The following DNAJC8 variants were observed in gnomAD, a reference collection of about 807,000 sequenced individuals.
The protein encoded by DNAJC8 is dnaJ homolog subfamily C member 8.
In DNAJC8, 24 loss-of-function variants were observed where a neutral mutation model predicts 43.2. The observed-to-expected ratio is 0.56, with a 90% confidence interval of 0.40 to 0.78. The LOEUF is 0.78. Among genes scored for constraint, DNAJC8 ranks in the 30% least tolerant of loss-of-function variants. The probability of loss-of-function intolerance (pLI) is 0.00; values close to 1 mark genes in which losing one functional copy is unlikely to be tolerated. For missense variants in DNAJC8, 207 were observed against 299.4 expected (o/e 0.69, Z 2.28); for synonymous variants, 83 against 98.0 (o/e 0.85, Z 0.90).
At chr1:28,214,177 G>A (rs1256760210) in intron 3 of DNAJC8, among the ~76,000 whole-genome samples, 1 of 151,954 alleles carries the variant, frequency 6.6e-6, no homozygotes, top group African/African-American at 2.4e-5. Flanking sequence ...TCCTTTCCTG[G>A]AGAACTTTCA....
At chr1:28,204,307 G>A (rs1646755047) in intron 7 of DNAJC8, among the ~76,000 whole-genome samples, 2 of 152,362 alleles carry the variant, frequency 1.3e-5, no homozygotes, top group East Asian at 1.9e-4. Context: ...TCGGCCGGAT[G>A]TAGCGGCTCA....
At chr1:28,205,177 C>T (rs1646760303) in intron 7 of DNAJC8, 81 bp downstream of exon 7, 3 of 1,075,324 alleles carry the variant, frequency 2.8e-6, no homozygotes, top group South Asian at 1.4e-5. Flanking sequence ...ATATAATTCC[C>T]TCATTAGGAA....
rs201782610 is a variant in DNAJC8 at position 28,212,168 on chromosome 1, AATAT to A, written c.238-1535_238-1532del. Among the ~76,000 whole-genome samples the A allele has an allele frequency of 6.5e-3, 202 of 30,916 alleles. 2 individuals carry two copies. The highest frequency in any genetic ancestry group is 0.015 in the Middle Eastern group (1 of 68). 20.3% of individuals were successfully genotyped at this position (30,916 alleles called of 152,430 possible). ...CGGACTCCGTCTCAATAAATAAATAAATATATATATATATATATATATATATATA... is the reference window on the plus strand; with the variant it reads ...CGGACTCCGTCTCAATAAATAAATAAATATATATATATATATATATATATA... On this transcript the variant is annotated intron_variant, in intron 3 of 8. Transcript: ENST00000263697.
intron 3 of DNAJC8, among the ~76,000 whole-genome samples, chr1:28,211,697 TC>T (rs1386134228): frequency 6.6e-6 from 1 of 152,180 alleles, no homozygotes; most frequent in Non-Finnish European, 1.5e-5. Context: ...AGACTGGGTT[TC>T]AGATGATCGT....
Position 28,212,168 on chromosome 1 carries a change from AAT to A in DNAJC8, c.238-1533_238-1532del, listed in dbSNP as rs201782610. ...CGGACTCCGTCTCAATAAATAAATAAATATATATATATATATATATATATATA... is the reference window on the plus strand; with the variant it reads ...CGGACTCCGTCTCAATAAATAAATAAATATATATATATATATATATATATA... On this transcript the variant is annotated intron_variant, in intron 3 of 8. Coordinates refer to ENST00000263697, the MANE Select transcript of DNAJC8 (RefSeq NM_014280.3). 4.6e-3 allele frequency among the ~76,000 whole-genome samples: 143 copies of A among 30,976 alleles called. 1 individual carries two copies. Among genetic ancestry groups the A allele is most frequent in the South Asian group, 0.016 (11 of 692 alleles). The allele number at this position is 30,976 out of a possible 152,430, so 20.3% of individuals were successfully genotyped here.
chr1:28,224,686 A>G (rs1418960370), intron 2 of DNAJC8, among the ~76,000 whole-genome samples: 1 of 151,964 alleles, frequency 6.6e-6, no homozygotes, highest in Non-Finnish European at 1.5e-5. Flanking sequence ...AGTTCGAGAC[A>G]AGCCTGGCCA....
At position 28,214,936 on chromosome 1, in the gene DNAJC8, G is replaced by T; in HGVS notation, c.237+4C>A. On this transcript the variant is annotated splice_donor_region_variant and intron_variant, in intron 3 of 8. Transcript: ENST00000263697. ...AAAGTTCAAACAGGGAAATAGTACT[G>T]TACCTGCCGAAACCTCTTTTTTATT... 6.2e-7 allele frequency: 1 copy of T among 1,606,536 alleles called. No individual in the cohort carries two copies. The highest frequency in any genetic ancestry group is 1.1e-5 in the South Asian group (1 of 89,958).
Position 28,200,811 on chromosome 1 carries a change from G to A in DNAJC8, c.*437C>T, listed in dbSNP as rs768065187. On this transcript the variant is annotated 3_prime_UTR_variant, in exon 9 of 9. Transcript: ENST00000263697. ...CTTCGAAGGGAGCACACCCAGAAGC[G>A]AGCAACTGAAGCGAAGGGGCTTCCT... The A allele has an allele frequency of 1.2e-4, 46 of 371,926 alleles. No individual in the cohort carries two copies. Among genetic ancestry groups the A allele is most frequent in the Admixed American group, 1.1e-4 (3 of 27,892 alleles). 23.0% of individuals were successfully genotyped at this position (371,926 alleles called of 1,614,324 possible).
At chr1:28,231,957 C>G (rs1572073832) in intron 1 of DNAJC8, among the ~76,000 whole-genome samples, 3 of 152,142 alleles carry the variant, frequency 2.0e-5, no homozygotes, top group South Asian at 4.1e-4. Context: ...CTAGTAGAGA[C>G]GGGGTTTCAC....
chr1:28,217,518 C>A (rs1038951905), intron 2 of DNAJC8, among the ~76,000 whole-genome samples: 8 of 151,996 alleles, frequency 5.3e-5, no homozygotes, highest in Admixed American at 5.2e-4. Flanking sequence ...CAAGTCAGTG[C>A]GCCCCACTCT....
At chr1:28,219,490 C>T (rs1422457493) in intron 2 of DNAJC8, among the ~76,000 whole-genome samples, 3 of 152,146 alleles carry the variant, frequency 2.0e-5, no homozygotes, top group African/African-American at 4.8e-5. Context: ...GCCTGGGCAA[C>T]AGAGTGAGAC....
chr1:28,212,307 C>T (rs1279939556), intron 3 of DNAJC8, among the ~76,000 whole-genome samples: 1 of 123,380 alleles, frequency 8.1e-6, no homozygotes, highest in Non-Finnish European at 1.6e-5. Context: ...CAGAGTGTTG[C>T]TCTATCATCC....
rs760054673 is a variant in DNAJC8 at position 28,200,510 on chromosome 1, G to A, written c.*738C>T. On this transcript the variant is annotated 3_prime_UTR_variant, in exon 9 of 9. Coordinates refer to ENST00000263697, the MANE Select transcript of DNAJC8 (RefSeq NM_014280.3). ...AGCATTTTGGGGTTCAGCCAAGCCAGACAAGGGACCCACAAGGGAGAGTAC... is the reference window on the plus strand; with the variant it reads ...AGCATTTTGGGGTTCAGCCAAGCCAAACAAGGGACCCACAAGGGAGAGTAC... 7.2e-5 allele frequency: 33 copies of A among 456,412 alleles called. No homozygotes were observed. The highest frequency in any genetic ancestry group is 1.3e-4 in the Non-Finnish European group (29 of 226,826). The allele number at this position is 456,412 out of a possible 1,614,324, so 28.3% of individuals were successfully genotyped here.
intron 2 of DNAJC8, among the ~76,000 whole-genome samples, chr1:28,226,020 T>C (rs1646931733): frequency 1.3e-5 from 2 of 151,166 alleles, no homozygotes; most frequent in South Asian, 4.2e-4. Context: ...GCAAATTTTA[T>C]GTTATATATA....
chr1:28,228,530 A>G (rs1646953437), intron 2 of DNAJC8, among the ~76,000 whole-genome samples: 1 of 152,116 alleles, frequency 6.6e-6, no homozygotes. Flanking sequence ...GTTTAAAGAC[A>G]ATCTATATAC....
rs748098606 is a variant in DNAJC8, at chr1:28,201,233, T to C, written c.*15A>G. ...GATAGCAGGGGAAAGGTTCTGTGCC[T>C]GTGACCTTGGGCGGTCACTCACGTT... is the stretch of plus-strand genomic sequence containing the variant. On this transcript the variant is annotated 3_prime_UTR_variant, in exon 9 of 9. Transcript: ENST00000263697. 12 of 1,611,704 alleles carry C rather than the reference T, an allele frequency of 7.4e-6. No individual in the cohort carries two copies. In the East Asian group the frequency reaches 2.7e-4, roughly 36 times the overall value.
chr1:28,201,598 G>A (rs1646733668), intron 8 of DNAJC8, among the ~76,000 whole-genome samples: 1 of 152,122 alleles, frequency 6.6e-6, no homozygotes, highest in Admixed American at 6.5e-5. Context: ...AGACCAGCCT[G>A]GCCAACATGG....
chr1:28,228,979 A>C lies in DNAJC8; in HGVS notation c.123T>G (p.Asn41Lys). Reference sequence around the variant, plus strand: ...CAGGACGGGTCAGTCTTTCAATCTGATTTTTCGAAGTTAGAACCGAGTCTC... The same window carrying C: ...CAGGACGGGTCAGTCTTTCAATCTGCTTTTTCGAAGTTAGAACCGAGTCTC... ...EKRDSVLTSK[N>K]QIERLTRPGS... is the part of the protein sequence containing the mutation. Residue 41 changes from asparagine (N) to lysine (K), a missense_variant, in exon 2 of 9, where the codon AAT becomes AAG. By Grantham distance (94) the Asn-to-Lys change is moderately conservative (BLOSUM62 0). Around this residue, in one of 2 missense-constraint regions of DNAJC8, gnomAD observed 159 missense variants for 267.5 expected, o/e 0.59. Coordinates refer to ENST00000263697, the MANE Select transcript of DNAJC8 (RefSeq NM_014280.3). 1.9e-6 allele frequency: 3 copies of C among 1,613,936 alleles called. No individual in the cohort carries two copies. The highest frequency in any genetic ancestry group is 2.5e-6 in the Non-Finnish European group (3 of 1,180,006).
Position 28,201,180 on chromosome 1 carries a change from A to G in DNAJC8, c.*68T>C. 2 of 1,600,194 alleles carry G rather than the reference A, an allele frequency of 1.2e-6. No homozygotes were observed. The highest frequency in any genetic ancestry group is 4.5e-5 in the East Asian group (2 of 44,784). On this transcript the variant is annotated 3_prime_UTR_variant, in exon 9 of 9. Transcript: ENST00000263697. Reference sequence around the variant, plus strand: ...TATGTTGGGGTGGAAGTGGGAGGAAAGAATGAGTCCTTCGAAGCAGGAAGG... The same window carrying G: ...TATGTTGGGGTGGAAGTGGGAGGAAGGAATGAGTCCTTCGAAGCAGGAAGG...
Sources: gnomAD v4.1 joint callset for allele counts (sites outside exome capture counted in the v4.1 genomes callset) on GRCh38, gnomAD v4.1.1 for gene constraint, gnomAD v4.1.1 regional missense constraint, MANE v1.5 for transcripts, NCBI Gene and HGNC (gene_info 2026-07-23, HGNC 2026-07-21) for gene names.